CAPRIN1: variants seen among roughly 807,000 people sequenced by gnomAD.
The protein encoded by CAPRIN1 is cell cycle associated protein 1.
CAPRIN1 carries 29 observed loss-of-function variants against 100.9 expected under a neutral mutation model. That is an observed-to-expected ratio of 0.29 (90% CI 0.21 to 0.39). CAPRIN1 has a LOEUF of 0.39. Ranked by LOEUF, CAPRIN1 falls within the 10% of genes least tolerant of loss-of-function variation. CAPRIN1 has a pLI of 1.00. For synonymous variants in CAPRIN1, 338 were observed against 307.5 expected (o/e 1.10, Z -1.04); for missense variants, 795 against 876.7 (o/e 0.91, Z 1.18).
intron 16 of CAPRIN1, among the ~76,000 whole-genome samples, chr11:34,096,964 A>G (rs1317549938): frequency 6.6e-6 from 1 of 152,156 alleles, no homozygotes; most frequent in South Asian, 2.1e-4. Context: ...TGTTTATTAT[A>G]TTTGTACAGA....
Position 34,101,528 on chromosome 11 carries a change from T to C in CAPRIN1, c.*2161T>C, listed in dbSNP as rs531038545. 6.6e-6 allele frequency among the ~76,000 whole-genome samples: 1 copy of C among 152,346 alleles called. No homozygotes were observed. The highest frequency in any genetic ancestry group is 2.4e-5 in the African/African-American group (1 of 41,588). On this transcript the variant is annotated 3_prime_UTR_variant, in exon 19 of 19. Coordinates refer to ENST00000341394, the MANE Select transcript of CAPRIN1 (RefSeq NM_005898.5). ...GAACTTCTATGCATTAGTGCAGATGTTGTGAATGTGTAAAGGTGTTCATAG... is the reference window on the plus strand; with the variant it reads ...GAACTTCTATGCATTAGTGCAGATGCTGTGAATGTGTAAAGGTGTTCATAG...
rs187112669 is a variant in CAPRIN1 at position 34,095,201 on chromosome 11, A to G, written c.1706-1278A>G. ...GTGAGCCACTACACCCAGCCTGGCT[A>G]TGAATTTCTTACAGTGAGATTTGAT... On this transcript the variant is annotated intron_variant, in intron 15 of 18. Transcript: ENST00000341394. 4.6e-5 allele frequency among the ~76,000 whole-genome samples: 7 copies of G among 151,988 alleles called. No individual in the cohort carries two copies. The East Asian group carries it at 1.2e-3, about 25-fold the overall frequency.
chr11:34,066,879 G>T (rs150917970), intron 2 of CAPRIN1, among the ~76,000 whole-genome samples: 2 of 148,822 alleles, frequency 1.3e-5, no homozygotes, highest in Non-Finnish European at 3.0e-5. Flanking sequence ...TGATCCACCC[G>T]CCTCAGCCTC....
At chr11:34,059,123 G>A (rs544664073) in intron 2 of CAPRIN1, among the ~76,000 whole-genome samples, 19 of 152,180 alleles carry the variant, frequency 1.2e-4, no homozygotes, top group Non-Finnish European at 2.5e-4. Context: ...GTACAAAAAC[G>A]TGGGTGAAAG....
intron 18 of CAPRIN1, chr11:34,098,556 AAGG>A: frequency 1.0e-6 from 1 of 985,362 alleles, no homozygotes; most frequent in Non-Finnish European, 1.2e-6. Context: ...AATGTGTGTT[AAGG>A]AGGAATTACA....
intron 2 of CAPRIN1, among the ~76,000 whole-genome samples, chr11:34,058,109 C>G (rs1277251400): frequency 6.6e-6 from 1 of 152,012 alleles, no homozygotes; most frequent in Non-Finnish European, 1.5e-5. Context: ...TATGGAATGA[C>G]TTAGGTTGGA....
At chr11:34,062,085 A>G (rs939234142) in intron 2 of CAPRIN1, among the ~76,000 whole-genome samples, 2 of 152,114 alleles carry the variant, frequency 1.3e-5, no homozygotes, top group East Asian at 3.8e-4. Flanking sequence ...GAAAGCTGCC[A>G]TGGATCAGCT....
intron 15 of CAPRIN1, among the ~76,000 whole-genome samples, chr11:34,094,145 G>A (rs1851319932): frequency 6.6e-6 from 1 of 152,086 alleles, no homozygotes. Context: ...TTGAGGCCAG[G>A]CGTTCATGAT....
At chr11:34,078,563 C>A (rs967090940) in intron 6 of CAPRIN1, among the ~76,000 whole-genome samples, 1 of 151,996 alleles carries the variant, frequency 6.6e-6, no homozygotes, top group African/African-American at 2.4e-5. Flanking sequence ...GAGTCCACCC[C>A]TCTCCCTCTT....
rs1030228106 is a variant in CAPRIN1 at position 34,101,071 on chromosome 11, C to G, written c.*1704C>G. The G allele has an allele frequency of 2.6e-5, 4 of 152,512 alleles. No individual in the cohort carries two copies. The East Asian group carries it at 5.8e-4, about 22-fold the overall frequency. 9.4% of individuals were successfully genotyped at this position (152,512 alleles called of 1,614,324 possible). ...CAAAATGGATAGGCTGTTGAACATTCCACATTCAAAAGTTTTGTAGGGTGG... is the reference window on the plus strand; with the variant it reads ...CAAAATGGATAGGCTGTTGAACATTGCACATTCAAAAGTTTTGTAGGGTGG... On this transcript the variant is annotated 3_prime_UTR_variant, in exon 19 of 19. Transcript: ENST00000341394.
intron 9 of CAPRIN1, among the ~76,000 whole-genome samples, chr11:34,084,404 T>G (rs559917172): frequency 4.6e-5 from 7 of 152,354 alleles, no homozygotes; most frequent in Non-Finnish European, 7.4e-5. Context: ...AGTGTATATT[T>G]GCTGAATTAA....
chr11:34,076,689 A>G (rs1850914344), intron 6 of CAPRIN1, 47 bp downstream of exon 6: 1 of 1,314,390 alleles, frequency 7.6e-7, no homozygotes, highest in Non-Finnish European at 1.1e-6. Flanking sequence ...GGAATCTTTA[A>G]AAACTAATTT....
At chr11:34,052,806 G>A in intron 2 of CAPRIN1, 170 bp downstream of exon 2, 2 of 1,448,068 alleles carry the variant, frequency 1.4e-6, no homozygotes, top group Non-Finnish European at 1.8e-6. Context: ...GGAGCTTCGT[G>A]CCCAGAAAAC....
At chr11:34,054,981 A>G (rs1174475608) in intron 2 of CAPRIN1, among the ~76,000 whole-genome samples, 2 of 152,090 alleles carry the variant, frequency 1.3e-5, no homozygotes, top group Non-Finnish European at 2.9e-5. Context: ...ATTGGCAGCC[A>G]ATTTAGTTGT....
At chr11:34,081,730 T>C (rs1422867870) in intron 7 of CAPRIN1, among the ~76,000 whole-genome samples, 1 of 152,086 alleles carries the variant, frequency 6.6e-6, no homozygotes, top group Non-Finnish European at 1.5e-5. Context: ...ACTCCTGACC[T>C]CAAGTGATCT....
intron 2 of CAPRIN1, among the ~76,000 whole-genome samples, chr11:34,059,285 T>C (rs1390520955): frequency 6.6e-6 from 1 of 151,762 alleles, no homozygotes; most frequent in African/African-American, 2.4e-5. Flanking sequence ...TTTTTTTTTT[T>C]TGAGACGGAG....
chr11:34,076,513 T>TAAGTTGACAACTGA (rs778035307), intron 5 of CAPRIN1, 39 bp downstream of exon 5: 20 of 1,606,650 alleles, frequency 1.2e-5, no homozygotes, highest in Non-Finnish European at 1.7e-5. Flanking sequence ...TCTGAGTATT[T>TAAGTTGACAACTGA]AAGTTGACAA....
At position 34,080,068 on chromosome 11, in the gene CAPRIN1, C is replaced by T. The variant is rs557470842; in HGVS notation, c.826+303C>T. On this transcript the variant is annotated intron_variant, in intron 7 of 18. Transcript: ENST00000341394. The stretch of plus-strand genomic sequence containing the variant: ...CCTCCTGAGCAGCTGTGACTACAGG[C>T]GCCCGCCACCACGCCCGGCTATTTT... 1.0e-3 allele frequency among the ~76,000 whole-genome samples: 156 copies of T among 151,930 alleles called. 1 individual carries two copies. The highest frequency in any genetic ancestry group is 3.5e-3 in the African/African-American group (146 of 41,412).
chr11:34,055,152 GTTATT>G (rs1369820743), intron 2 of CAPRIN1, among the ~76,000 whole-genome samples: 2 of 152,050 alleles, frequency 1.3e-5, no homozygotes, highest in Non-Finnish European at 2.9e-5. Context: ...AAGTGATTTT[GTTATT>G]TTATTTTTAT....
Sources: allele counts gnomAD v4.1 joint callset (sites outside exome capture counted in the v4.1 genomes callset), GRCh38; gene constraint gnomAD v4.1.1; transcripts MANE v1.5; gene names NCBI Gene and HGNC (gene_info 2026-07-23, HGNC 2026-07-21).